The following MTAP variants were observed in gnomAD, a reference collection of about 807,000 sequenced individuals.
The protein encoded by MTAP is S-methyl-5'-thioadenosine phosphorylase.
A neutral mutation model predicts 33.6 loss-of-function variants in MTAP; 33 were observed. That is an observed-to-expected ratio of 0.98 (90% confidence interval 0.74 to 1.31). The LOEUF (loss-of-function observed/expected upper bound fraction) is 1.31. MTAP is among the 40% of genes most tolerant of loss of function. The pLI is 0.00. For missense variants in MTAP, 367 were observed against 360.0 expected (o/e 1.02, Z -0.16); for synonymous variants, 148 against 125.7 (o/e 1.18, Z -1.19).
At chr9:21,894,958 T>C (rs987446265) in intron 1 of MTAP, among the ~76,000 whole-genome samples, 5 of 152,066 alleles carry the variant, frequency 3.3e-5, no homozygotes, top group South Asian at 4.1e-4. Context: ...TACCTAGTAA[T>C]ACAGCTAACC....
intron 4 of MTAP, among the ~76,000 whole-genome samples, chr9:21,820,703 A>C (rs1383515175): frequency 3.9e-5 from 6 of 152,218 alleles, no homozygotes; most frequent in African/African-American, 1.4e-4. Flanking sequence ...GATGGCACTG[A>C]ATCTATAAAT....
chr9:21,861,002 TCCAC>T (rs1825741972), intron 7 of MTAP: 1 of 152,216 alleles, frequency 6.6e-6, no homozygotes, highest in South Asian at 2.1e-4. Context: ...GACCTCGTGA[TCCAC>T]CCGCTTTGGC....
At chr9:21,829,871 A>G (rs953866072) in intron 4 of MTAP, among the ~76,000 whole-genome samples, 16 of 152,150 alleles carry the variant, frequency 1.1e-4, no homozygotes, top group African/African-American at 3.6e-4. Flanking sequence ...CTTTTGAAGG[A>G]CTCTGACAAT....
At position 21,810,935 on chromosome 9, in the gene MTAP, C is replaced by T. The variant is rs1470346874; in HGVS notation, c.34-4498C>T. On this transcript the variant is annotated intron_variant, in intron 1 of 7. Coordinates refer to ENST00000644715, the MANE Select transcript of MTAP (RefSeq NM_002451.4). ...AGACAGTTGGTTGCTCCCTCTCATA[C>T]AGCTAGGCTTCCAGGATTTTGCAAG... Among the ~76,000 whole-genome samples, 4 of 152,302 alleles carry T rather than the reference C, an allele frequency of 2.6e-5. 1 individual carries two copies. The highest frequency in any genetic ancestry group is 6.8e-3 in the Middle Eastern group (2 of 294).
At chr9:21,898,956 C>G (rs1280147814) in intron 1 of MTAP, among the ~76,000 whole-genome samples, 2 of 151,982 alleles carry the variant, frequency 1.3e-5, no homozygotes, top group Admixed American at 6.6e-5. Context: ...TGGCACTATT[C>G]ACAATAGCAA....
exon 2 of MTAP, chr9:21,931,181 A>T: frequency 1.4e-6 from 1 of 740,366 alleles, no homozygotes; most frequent in Non-Finnish European, 2.5e-6. Flanking sequence ...CCATGCAGCC[A>T]CCCTGCCCTG....
intron 1 of MTAP, among the ~76,000 whole-genome samples, chr9:21,896,377 TA>T (rs1347583134): frequency 6.6e-6 from 1 of 151,824 alleles, no homozygotes; most frequent in Non-Finnish European, 1.5e-5. Context: ...AGGCAAGAAA[TA>T]ACTAAGATCA....
rs2131034299 is a variant in MTAP, at chr9:21,922,181, C to T, written c.148-8827C>T. Among the ~76,000 whole-genome samples the T allele has an allele frequency of 6.6e-6, 1 of 152,008 alleles. No homozygotes were observed. The highest frequency in any genetic ancestry group is 1.9e-4 in the East Asian group (1 of 5,146). ...TGTATGACCAGTTCCTCTAGGAACA[C>T]TTGACTGGCAAGGGAAAAACGCCTC... On this transcript the variant is annotated intron_variant, in intron 1 of 1. Coordinates refer to the MTAP transcript ENST00000577563. This position sits in a 1 kb window ranked among gnomAD's most constrained non-coding sequence, Gnocchi z 4.8.
chr9:21,898,879 C>G (rs1818341103), intron 1 of MTAP, among the ~76,000 whole-genome samples: 2 of 152,104 alleles, frequency 1.3e-5, no homozygotes, highest in South Asian at 4.1e-4. Context: ...CATCCCATTA[C>G]TGGGTATATA....
chr9:21,867,484 A>G (rs1420199627), downstream of MTAP, among the ~76,000 whole-genome samples: 1 of 152,178 alleles, frequency 6.6e-6, no homozygotes, highest in Admixed American at 6.5e-5. Flanking sequence ...TGTTAAACTG[A>G]TCTTGCATTC....
rs548558564 is a variant in MTAP, at chr9:21,825,144, C to A, written c.347+6942C>A. 2.6e-5 allele frequency among the ~76,000 whole-genome samples: 4 copies of A among 152,284 alleles called. No individual in the cohort carries two copies. The East Asian group carries it at 7.8e-4, about 30-fold the overall frequency. ...GTCCGACAAGCCCCAGTGAGATGAA[C>A]CCGGTACCTAAGTTGGAAATACAGA... On this transcript the variant is annotated intron_variant, in intron 4 of 7. Coordinates refer to ENST00000644715, the MANE Select transcript of MTAP (RefSeq NM_002451.4).
intron 4 of MTAP, among the ~76,000 whole-genome samples, 185 bp downstream of exon 4, chr9:21,818,387 G>C (rs1347068528): frequency 7.1e-6 from 1 of 140,820 alleles, no homozygotes; most frequent in African/African-American, 2.7e-5. Flanking sequence ...GAGTGCAGTG[G>C]CATGAACTCA....
chr9:21,852,530 T>G (rs530557561), intron 5 of MTAP, among the ~76,000 whole-genome samples: 210 of 143,482 alleles, frequency 1.5e-3, no homozygotes, highest in Non-Finnish European at 2.5e-3. Flanking sequence ...AAAAAAATGA[T>G]GTAATGGACT....
chr9:21,816,906 T>G (rs1824490055), intron 3 of MTAP, 134 bp downstream of exon 3: 1 of 691,238 alleles, frequency 1.4e-6, no homozygotes, highest in East Asian at 2.8e-5. Context: ...TAACCTTTAT[T>G]TACAATGTTT....
chr9:21,852,012 G>A lies in MTAP; in HGVS notation c.451-2619G>A, dbSNP rs531602690. Among the ~76,000 whole-genome samples the A allele has an allele frequency of 3.9e-5, 6 of 152,188 alleles. No homozygotes were observed. The South Asian group carries it at 1.2e-3, about 32-fold the overall frequency. ...ATACTTAATAAACTCCCCTTTATTA[G>A]TTATGTCCCTCTAGAGAACTCTGAC... On this transcript the variant is annotated intron_variant, in intron 5 of 7. Transcript: ENST00000644715.
rs938545304 is a variant in MTAP, at chr9:21,863,337, G to T, written c.*1323G>T. The T allele has an allele frequency of 4.1e-6, 4 of 981,046 alleles. No individual in the cohort carries two copies. Among genetic ancestry groups the T allele is most frequent in the African/African-American group, 1.7e-5 (1 of 57,210 alleles). The allele number at this position is 981,046 out of a possible 1,614,324, so 60.8% of individuals were successfully genotyped here. A position where few individuals can be genotyped will look rare whatever the true frequency, so the allele number is the denominator to read the frequency against. On this transcript the variant is annotated 3_prime_UTR_variant, in exon 8 of 8. Coordinates refer to ENST00000644715, the MANE Select transcript of MTAP (RefSeq NM_002451.4). Reference sequence around the variant, plus strand: ...AAATGCTTTTTGTTGGCCGGGCACAGTTGCTCATCCATGTAATCCCAGCAC... The same window carrying T: ...AAATGCTTTTTGTTGGCCGGGCACATTTGCTCATCCATGTAATCCCAGCAC...
chr9:21,890,062 G>A (rs543916104), intron 1 of MTAP, among the ~76,000 whole-genome samples: 4 of 151,996 alleles, frequency 2.6e-5, no homozygotes, highest in Admixed American at 6.6e-5. Context: ...AGACCATCAG[G>A]TGGGGGCAGG....
At chr9:21,823,877 C>T (rs1275666777) in intron 4 of MTAP, among the ~76,000 whole-genome samples, 2 of 152,138 alleles carry the variant, frequency 1.3e-5, no homozygotes, top group African/African-American at 4.8e-5. Flanking sequence ...TCACTGATAC[C>T]CTTTCTTCCA....
intron 1 of MTAP, among the ~76,000 whole-genome samples, chr9:21,903,117 G>C (rs985157302): frequency 2.6e-5 from 4 of 152,116 alleles, no homozygotes; most frequent in Non-Finnish European, 5.9e-5. Context: ...GAGGATTTCC[G>C]GCTGCTTTCT....
Sources: allele counts gnomAD v4.1 joint callset (sites outside exome capture counted in the v4.1 genomes callset), GRCh38; gene constraint gnomAD v4.1.1; non-coding constraint Gnocchi (gnomAD v3.1); transcripts MANE v1.5; gene names NCBI Gene and HGNC (gene_info 2026-07-23, HGNC 2026-07-21).